The following ANO2 variants were observed in gnomAD, a reference collection of about 807,000 sequenced individuals.
ANO2 encodes the protein anoctamin 2, also known as anoctamin-2.
A neutral mutation model predicts 124.2 loss-of-function variants in ANO2; 101 were observed. The observed-to-expected ratio is 0.81, with a 90% CI of 0.69 to 0.96. The LOEUF (loss-of-function observed/expected upper bound fraction) is 0.96, where lower values mean the gene tolerates loss of function less well. ANO2 is among the 40% of genes least tolerant of loss of function. ANO2 has a pLI of 0.00. For synonymous variants in ANO2, 486 were observed against 482.5 expected (o/e 1.01, Z -0.09); for missense variants, 1,293 against 1,274.5 (o/e 1.01, Z -0.22).
intron 14 of ANO2, among the ~76,000 whole-genome samples, chr12:5,664,184 A>C (rs187335564): frequency 6.6e-6 from 1 of 152,344 alleles, no homozygotes; most frequent in Non-Finnish European, 1.5e-5. Flanking sequence ...GTGCTAGAAC[A>C]ATGACCCTAT....
At chr12:5,831,956 C>G (rs560399328) in intron 5 of ANO2, among the ~76,000 whole-genome samples, 1 of 152,182 alleles carries the variant, frequency 6.6e-6, no homozygotes, top group East Asian at 1.9e-4. Flanking sequence ...CTTTTATTCA[C>G]TCTTCCTAGG....
intron 10 of ANO2, among the ~76,000 whole-genome samples, chr12:5,796,627 A>C (rs555316185): frequency 6.6e-6 from 1 of 152,284 alleles, no homozygotes; most frequent in East Asian, 1.9e-4. Context: ...GATCGGGAGG[A>C]GAGCCGTGCG....
intron 14 of ANO2, among the ~76,000 whole-genome samples, chr12:5,676,012 A>G (rs1315586373): frequency 1.3e-5 from 2 of 152,192 alleles, no homozygotes; most frequent in African/African-American, 2.4e-5. Flanking sequence ...TCGGAGCCAC[A>G]TCACATCTTC....
At chr12:5,922,895 T>C in intron 1 of ANO2, 91 bp from the exon 2 acceptor site, 1 of 1,298,584 alleles carries the variant, frequency 7.7e-7, no homozygotes, top group Non-Finnish European at 1.0e-6. Context: ...ACACTAGCCC[T>C]GAGAAAATGG....
At chr12:5,802,799 G>A (rs559131896) in intron 9 of ANO2, among the ~76,000 whole-genome samples, 1 of 152,336 alleles carries the variant, frequency 6.6e-6, no homozygotes, top group African/African-American at 2.4e-5. Context: ...ATAAACCAGG[G>A]AGAGACTACT....
intron 3 of ANO2, among the ~76,000 whole-genome samples, chr12:5,883,502 G>GGTGTGTGTGTGTGTGTGTGTGTGTGTGT (rs5796191): frequency 6.9e-6 from 1 of 144,582 alleles, no homozygotes; most frequent in African/African-American, 2.6e-5. Flanking sequence ...ACATTAGGGT[G>GGTGTGTGTGTGTGTGTGTGTGTGTGTGT]GTGTGTGTGT....
rs192916401 is a variant in ANO2, at chr12:5,739,340, G to T, written c.1411C>A (p.Leu471Met). ...LQMRLGYFWDLTGIEEEEEHS... is the reference protein window; with the variant it reads ...LQMRLGYFWDMTGIEEEEEHS... The stretch of plus-strand genomic sequence containing the variant: ...ACTTCTTCCTCTTCTATGCCAGTCA[G>T]GTCCCAAAAGTAGCCCAGTCGCATC... Residue 471 changes from leucine to methionine, a missense_variant, in exon 13 of 25, where the codon CTG becomes ATG. Physicochemically the swap from Leu to Met is conservative, Grantham distance 15 (BLOSUM62 2). Coordinates refer to ENST00000682330, the MANE Select transcript of ANO2 (RefSeq NM_001364791.2). 6.2e-7 allele frequency: 1 copy of T among 1,606,450 alleles called. No homozygotes were observed. The highest frequency in any genetic ancestry group is 8.5e-7 in the Non-Finnish European group (1 of 1,176,478).
chr12:5,917,554 TTC>T (rs1941451802), intron 3 of ANO2, among the ~76,000 whole-genome samples: 1 of 144,152 alleles, frequency 6.9e-6, no homozygotes, highest in Non-Finnish European at 1.6e-5. Context: ...GTTATTATTA[TTC>T]TCTTTTTTCT....
chr12:5,922,777 C>T lies in ANO2; in HGVS notation c.50G>A (p.Arg17His), dbSNP rs200582033. The T allele has an allele frequency of 3.7e-4, 563 of 1,538,684 alleles. 8 individuals are homozygous for T. In the South Asian group the frequency reaches 5.3e-3, roughly 15 times the overall value. ...RDIPLLPGSP[R>H]RLSPQAGSRG... ...GGACCCTGCCTGAGGGCTCAGCCGG[C>T]GTGGGGAGCCAGGGAGCAGGGGTAT... The change falls in exon 2 of 25, where the codon CGC (arginine) becomes CAC (histidine). Residue 17 changes from arginine to histidine, a missense_variant. Arg to His is a conservative substitution (Grantham distance 29). Coordinates refer to ENST00000682330, the MANE Select transcript of ANO2 (RefSeq NM_001364791.2).
intron 14 of ANO2, among the ~76,000 whole-genome samples, chr12:5,709,844 T>C (rs1170965783): frequency 6.6e-6 from 1 of 152,198 alleles, no homozygotes; most frequent in Non-Finnish European, 1.5e-5. Context: ...CTTGGGGTCA[T>C]AGATGAAACT....
chr12:5,943,277 T>TTGTGTGTGTG lies in ANO2; in HGVS notation c.22+1909_22+1918dup, dbSNP rs138167836. Among the ~76,000 whole-genome samples, 211 of 148,472 alleles carry TTGTGTGTGTG rather than the reference T, an allele frequency of 1.4e-3. 1 individual carries two copies. Among genetic ancestry groups the TTGTGTGTGTG allele is most frequent in the African/African-American group, 5.0e-3 (201 of 40,042 alleles). ...GGGATGTCTGTGTTTGAGTGTGTGT[T>TTGTGTGTGTG]TGTGTGTGTGTGTGTGTGTGTGTGT... On this transcript the variant is annotated intron_variant, in intron 1 of 24. Transcript: ENST00000682330.
intron 14 of ANO2, among the ~76,000 whole-genome samples, chr12:5,655,909 T>C (rs556282856): frequency 1.3e-4 from 20 of 152,254 alleles, no homozygotes; most frequent in African/African-American, 4.3e-4. Flanking sequence ...AAGAGAACAG[T>C]GTGACCAAAA....
intron 1 of ANO2, among the ~76,000 whole-genome samples, chr12:5,939,492 A>T (rs1942809465): frequency 6.6e-6 from 1 of 152,148 alleles, no homozygotes; most frequent in African/African-American, 2.4e-5. Context: ...TGTGGTATGC[A>T]GAAGTGTGAG....
intron 3 of ANO2, among the ~76,000 whole-genome samples, chr12:5,857,366 T>G (rs1390179438): frequency 6.6e-6 from 1 of 152,154 alleles, no homozygotes; most frequent in Non-Finnish European, 1.5e-5. Context: ...ATATATTGAT[T>G]TCTTTTCCTT....
chr12:5,847,012 G>A (rs1279895317), intron 4 of ANO2, among the ~76,000 whole-genome samples: 2 of 152,182 alleles, frequency 1.3e-5, no homozygotes, highest in African/African-American at 4.8e-5. Context: ...CAACTTGACT[G>A]GACCATTGGG....
intron 3 of ANO2, among the ~76,000 whole-genome samples, chr12:5,898,926 T>C (rs1407661783): frequency 6.6e-6 from 1 of 152,120 alleles, no homozygotes; most frequent in Non-Finnish European, 1.5e-5. Context: ...AGCCTAGCTA[T>C]AAAGGAGAGG....
chr12:5,857,638 T>G (rs1470284906), intron 3 of ANO2, among the ~76,000 whole-genome samples: 1 of 152,222 alleles, frequency 6.6e-6, no homozygotes, highest in Non-Finnish European at 1.5e-5. Flanking sequence ...TTAAGCATTT[T>G]TTCATATACC....
At chr12:5,813,096 G>A (rs916488078) in intron 7 of ANO2, among the ~76,000 whole-genome samples, 1 of 100,670 alleles carries the variant, frequency 9.9e-6, no homozygotes, top group African/African-American at 3.4e-5. Context: ...AAGGAAGAGA[G>A]GAAGGAAGGA....
At chr12:5,654,995 G>A (rs1395854529) in intron 14 of ANO2, among the ~76,000 whole-genome samples, 1 of 152,100 alleles carries the variant, frequency 6.6e-6, no homozygotes, top group African/African-American at 2.4e-5. Flanking sequence ...GCAACATCAG[G>A]TGTGCCCCCG....
Sources: allele counts gnomAD v4.1 joint callset (sites outside exome capture counted in the v4.1 genomes callset), GRCh38; gene constraint gnomAD v4.1.1; transcripts MANE v1.5; gene names NCBI Gene and HGNC (gene_info 2026-07-23, HGNC 2026-07-21).